Variants in CD1B observed in about 807,000 individuals in gnomAD.
CD1B encodes CD1b molecule.
Under a neutral mutation model 39.8 loss-of-function variants are expected in CD1B, and 43 were observed. The observed-to-expected ratio is 1.08, with a 90% confidence interval of 0.85 to 1.39. CD1B has a LOEUF of 1.39. Among genes scored for constraint, CD1B ranks in the 40% most tolerant of loss-of-function variants. The pLI is 0.00. For missense variants in CD1B, 495 were observed against 403.8 expected (o/e 1.23, Z -1.94); for synonymous variants, 192 against 152.5 (o/e 1.26, Z -1.91).
chr1:158,301,978 G>A, the CD1B span, among the ~76,000 whole-genome samples: 1 of 151,742 alleles, frequency 6.6e-6, no homozygotes, highest in Non-Finnish European at 1.5e-5. Flanking sequence ...GAATACACCT[G>A]TCTTCTGCAT....
At chr1:158,299,844 A>C in the CD1B span, among the ~76,000 whole-genome samples, 10 of 152,012 alleles carry the variant, frequency 6.6e-5, no homozygotes, top group Non-Finnish European at 1.0e-4. Flanking sequence ...CCCCTTTATC[A>C]TTTTTTATTG....
chr1:158,319,478 C>G, the CD1B span, among the ~76,000 whole-genome samples: 1 of 152,214 alleles, frequency 6.6e-6, no homozygotes, highest in Non-Finnish European at 1.5e-5. Context: ...CTTCTGCATT[C>G]TTCACGTAGT....
chr1:158,329,361 A>G lies in CD1B; in HGVS notation c.886+9T>C. 1.2e-6 allele frequency: 2 copies of G among 1,607,168 alleles called. No individual in the cohort carries two copies. The highest frequency in any genetic ancestry group is 1.1e-5 in the South Asian group (1 of 90,674). ...GGCATTTCCAGCCTGGGTCCCTGCT[A>G]TTTCTTACTCCAGTAGAGGATGATG... On this transcript the variant is annotated intron_variant, in intron 4 of 5. Coordinates refer to ENST00000368168, the MANE Select transcript of CD1B (RefSeq NM_001764.3).
chr1:158,309,912 C>T, the CD1B span, among the ~76,000 whole-genome samples: 4 of 151,746 alleles, frequency 2.6e-5, no homozygotes, highest in Admixed American at 2.6e-4. Context: ...AGCACAACAA[C>T]ATGGCACATG....
At chr1:158,305,248 G>A in the CD1B span, among the ~76,000 whole-genome samples, 15 of 152,246 alleles carry the variant, frequency 9.9e-5, no homozygotes, top group South Asian at 1.0e-3. Context: ...TTAAAGGACC[G>A]GATGGAGCTG....
At chr1:158,321,176 T>G in the CD1B span, among the ~76,000 whole-genome samples, 1 of 152,258 alleles carries the variant, frequency 6.6e-6, no homozygotes, top group East Asian at 1.9e-4. Context: ...TTTATATATT[T>G]GTATGTTCAA....
the CD1B span, among the ~76,000 whole-genome samples, chr1:158,311,614 T>C: frequency 4.6e-5 from 7 of 152,162 alleles, no homozygotes; most frequent in Admixed American, 4.6e-4. Context: ...TTTCTTCTTG[T>C]AGTTTCACAA....
chr1:158,318,304 C>T, the CD1B span, among the ~76,000 whole-genome samples: 3 of 152,272 alleles, frequency 2.0e-5, no homozygotes, highest in South Asian at 6.2e-4. Context: ...GTCTAAGTCT[C>T]TTTGTAGGTC....
At chr1:158,292,499 G>T in the CD1B span, 4 of 1,495,912 alleles carry the variant, frequency 2.7e-6, no homozygotes, top group South Asian at 5.1e-5. Flanking sequence ...CTTAGAGGCA[G>T]GAAAAAGATA....
the CD1B span, among the ~76,000 whole-genome samples, chr1:158,309,239 C>A: frequency 3.5e-4 from 53 of 152,320 alleles, no homozygotes; most frequent in African/African-American, 1.3e-3. Flanking sequence ...AAACGGTCAT[C>A]ATCACTGGCC....
chr1:158,324,909 C>T (rs1378217628), downstream of CD1B, among the ~76,000 whole-genome samples: 1 of 152,034 alleles, frequency 6.6e-6, no homozygotes, highest in Non-Finnish European at 1.5e-5. Flanking sequence ...ACAGATAGGA[C>T]AATTTGAGCT....
the CD1B span, among the ~76,000 whole-genome samples, chr1:158,310,365 C>A: frequency 6.6e-6 from 1 of 152,174 alleles, no homozygotes; most frequent in African/African-American, 2.4e-5. Context: ...CTACAGAAAT[C>A]TTGGAAGAAA....
chr1:158,328,783 C>T (rs759718059), intron 5 of CD1B, 138 bp downstream of exon 5: 61 of 629,030 alleles, frequency 9.7e-5, no homozygotes, highest in Middle Eastern at 2.9e-4. Flanking sequence ...CCACATAAAA[C>T]GAATGGGAGT....
downstream of CD1B, among the ~76,000 whole-genome samples, chr1:158,326,347 A>C (rs1235952550): frequency 6.6e-6 from 1 of 152,238 alleles, no homozygotes; most frequent in Non-Finnish European, 1.5e-5. Flanking sequence ...TGTAATCAGC[A>C]AAATCCAAAC....
At chr1:158,321,224 C>T in the CD1B span, among the ~76,000 whole-genome samples, 1 of 152,100 alleles carries the variant, frequency 6.6e-6, no homozygotes, top group African/African-American at 2.4e-5. Context: ...GTTATATTCT[C>T]TTTCTGTATT....
chr1:158,327,772 C>T (rs1323141380), downstream of CD1B, among the ~76,000 whole-genome samples: 2 of 152,172 alleles, frequency 1.3e-5, no homozygotes, highest in South Asian at 2.1e-4. Flanking sequence ...TCAGCTGAGC[C>T]TTCAGGGCTA....
chr1:158,329,117 C>A, intron 4 of CD1B, 103 bp from the exon 5 acceptor site: 1 of 1,045,712 alleles, frequency 9.6e-7, no homozygotes. Context: ...TCATTTCCAA[C>A]TTCCTCTCTC....
the CD1B span, among the ~76,000 whole-genome samples, chr1:158,310,578 T>C: frequency 6.6e-6 from 1 of 152,068 alleles, no homozygotes; most frequent in Non-Finnish European, 1.5e-5. Flanking sequence ...ATGACAAAGA[T>C]CTAATACCCA....
In CD1B at chr1:158,331,395, G is replaced by C; in HGVS notation, c.29C>G (p.Ala10Gly). The change falls in exon 1 of 6, where the codon GCT becomes GGT. Residue 10 changes from alanine (A) to glycine (G), a missense_variant. Coordinates refer to ENST00000368168, the MANE Select transcript of CD1B (RefSeq NM_001764.3). MLLLPFQLL[A>G]VLFPGGNSEH... ...ACTGTTACCACCAGGAAAGAGAACA[G>C]CTAACAGTTGAAATGGCAGCAGCAG... 1 of 1,614,024 alleles carries C rather than the reference G, an allele frequency of 6.2e-7. No homozygotes were observed.
Sources: gnomAD v4.1 joint callset for allele counts (sites outside exome capture counted in the v4.1 genomes callset) on GRCh38, gnomAD v4.1.1 for gene constraint, MANE v1.5 for transcripts, NCBI Gene and HGNC (gene_info 2026-07-23, HGNC 2026-07-21) for gene names.